The following ROBO2 variants were observed in gnomAD, a reference collection of about 807,000 sequenced individuals.
The protein encoded by ROBO2 is roundabout homolog 2.
ROBO2 carries 53 observed loss-of-function variants against 160.8 expected under a neutral mutation model. The observed-to-expected ratio is 0.33, with a 90% CI of 0.26 to 0.41. The LOEUF (loss-of-function observed/expected upper bound fraction) is 0.41. Among genes scored for constraint, ROBO2 ranks in the 10% least tolerant of loss-of-function variants. ROBO2 has a pLI of 1.00. For missense variants in ROBO2, 1,577 were observed against 1,722.4 expected (o/e 0.92, Z 1.49); for synonymous variants, 664 against 611.7 (o/e 1.09, Z -1.26).
intron 2 of ROBO2, among the ~76,000 whole-genome samples, chr3:76,084,023 G>A (rs1171568058): frequency 1.3e-5 from 2 of 152,012 alleles, no homozygotes; most frequent in Non-Finnish European, 2.9e-5. Context: ...GCTGGATATT[G>A]TGTTGGGGAA....
intron 2 of ROBO2, among the ~76,000 whole-genome samples, chr3:76,737,803 G>A (rs886437199): frequency 1.3e-5 from 2 of 152,084 alleles, no homozygotes; most frequent in Non-Finnish European, 2.9e-5. Context: ...TTAATTAAAT[G>A]TTTAAGCAGA....
intron 2 of ROBO2, among the ~76,000 whole-genome samples, chr3:76,422,684 G>A (rs1354630651): frequency 6.6e-6 from 1 of 152,120 alleles, no homozygotes; most frequent in Non-Finnish European, 1.5e-5. Context: ...TAATAGCAAG[G>A]TGTTGATGTA....
At chr3:77,592,598 C>G (rs1222198667) in intron 17 of ROBO2, among the ~76,000 whole-genome samples, 2 of 152,230 alleles carry the variant, frequency 1.3e-5, no homozygotes, top group East Asian at 3.9e-4. Context: ...GTAGCCCAGA[C>G]TGGAGTGCAG....
intron 1 of ROBO2, among the ~76,000 whole-genome samples, chr3:77,075,025 A>G (rs377291128): frequency 4.6e-5 from 7 of 152,236 alleles, no homozygotes; most frequent in African/African-American, 1.7e-4. Flanking sequence ...AGTTGAACAC[A>G]TCAAAACCTG....
At chr3:76,305,205 A>G (rs1324308025) in intron 2 of ROBO2, among the ~76,000 whole-genome samples, 1 of 151,660 alleles carries the variant, frequency 6.6e-6, no homozygotes, top group Non-Finnish European at 1.5e-5. Context: ...CTTAGGCAAC[A>G]TAGCCAGATT....
intron 2 of ROBO2, among the ~76,000 whole-genome samples, chr3:76,926,640 T>A (rs992978534): frequency 2.6e-5 from 4 of 152,180 alleles, no homozygotes; most frequent in African/African-American, 9.7e-5. Flanking sequence ...CAACACTAGG[T>A]AGTAAGTAGG....
At chr3:76,532,565 A>G (rs1244920972) in intron 2 of ROBO2, among the ~76,000 whole-genome samples, 1 of 152,158 alleles carries the variant, frequency 6.6e-6, no homozygotes, top group Non-Finnish European at 1.5e-5. Context: ...GTACCATTTG[A>G]CCTTGCCACT....
intron 24 of ROBO2, among the ~76,000 whole-genome samples, chr3:77,639,455 T>C (rs2095315796): frequency 6.6e-6 from 1 of 152,044 alleles, no homozygotes; most frequent in African/African-American, 2.4e-5. Flanking sequence ...TATTTTTAAG[T>C]AGAGTGACTG....
In ROBO2 at chr3:77,383,866, A is replaced by C. The variant is rs2073819178; in HGVS notation, c.389-93548A>C. ...AGAGGTTTATCACTTTAGTTTTCAT[A>C]AACTTGCAAAGATGATCTCAAATAA... is the stretch of plus-strand genomic sequence containing the variant. On this transcript the variant is annotated intron_variant, in intron 2 of 25. Coordinates refer to ENST00000461745, the Ensembl canonical transcript of ROBO2. 2.0e-5 allele frequency among the ~76,000 whole-genome samples: 3 copies of C among 152,152 alleles called. No individual in the cohort carries two copies. The South Asian group carries it at 6.2e-4, about 31-fold the overall frequency.
intron 2 of ROBO2, among the ~76,000 whole-genome samples, chr3:76,038,378 A>G (rs2067180983): frequency 6.6e-6 from 1 of 152,000 alleles, no homozygotes. Flanking sequence ...GGATCTGGTA[A>G]TGAACAATCT....
At chr3:76,882,474 A>G (rs903439135) in intron 2 of ROBO2, among the ~76,000 whole-genome samples, 2 of 151,974 alleles carry the variant, frequency 1.3e-5, no homozygotes, top group Non-Finnish European at 2.9e-5. Flanking sequence ...TCCCCGCCCT[A>G]TATTACAAAT....
exon 26 of ROBO2, chr3:77,648,974 A>C (rs531768898): frequency 6.6e-6 from 1 of 152,196 alleles, no homozygotes; most frequent in Non-Finnish European, 1.5e-5. Flanking sequence ...CTTCATTCAT[A>C]ACAGGAAACG....
intron 2 of ROBO2, among the ~76,000 whole-genome samples, chr3:76,765,196 T>G (rs1327720657): frequency 6.6e-6 from 1 of 151,756 alleles, no homozygotes; most frequent in African/African-American, 2.4e-5. Flanking sequence ...TTGAATTTTT[T>G]TATTAGATAA....
intron 2 of ROBO2, among the ~76,000 whole-genome samples, chr3:76,169,685 T>TTA (rs1177097867): frequency 6.6e-6 from 1 of 152,148 alleles, no homozygotes; most frequent in Non-Finnish European, 1.5e-5. Flanking sequence ...TAAATCATAA[T>TTA]TTATTGATGT....
chr3:77,508,039 A>T (rs2088827446), intron 5 of ROBO2, among the ~76,000 whole-genome samples: 1 of 151,894 alleles, frequency 6.6e-6, no homozygotes, highest in Non-Finnish European at 1.5e-5. Flanking sequence ...TAAACCAAAG[A>T]AACCCTTTCT....
intron 2 of ROBO2, among the ~76,000 whole-genome samples, chr3:77,455,220 A>G (rs2081503612): frequency 6.6e-6 from 1 of 152,194 alleles, no homozygotes; most frequent in Non-Finnish European, 1.5e-5. Flanking sequence ...ACATTTTTTC[A>G]TACCTTTGAG....
chr3:77,146,985 CAAAA>C (rs2077172887), intron 2 of ROBO2, among the ~76,000 whole-genome samples: 1 of 151,928 alleles, frequency 6.6e-6, no homozygotes, highest in South Asian at 2.1e-4. Flanking sequence ...AAAAACAAAA[CAAAA>C]CAAGAAAAAT....
chr3:76,861,959 T>G (rs2148620346), intron 2 of ROBO2, among the ~76,000 whole-genome samples: 1 of 152,248 alleles, frequency 6.6e-6, no homozygotes, highest in African/African-American at 2.4e-5. Context: ...TCTCAGAGGC[T>G]CTTGCAGTTC....
chr3:76,449,575 A>G (rs1303710363), intron 2 of ROBO2, among the ~76,000 whole-genome samples: 2 of 152,140 alleles, frequency 1.3e-5, no homozygotes, highest in Non-Finnish European at 2.9e-5. Flanking sequence ...CTGAACGTGC[A>G]TGGTTGATTG....
Sources: gnomAD v4.1 joint callset for allele counts (sites outside exome capture counted in the v4.1 genomes callset) on GRCh38, gnomAD v4.1.1 for gene constraint, MANE v1.5 for transcripts, NCBI Gene and HGNC (gene_info 2026-07-23, HGNC 2026-07-21) for gene names.